Variants in MAP7D2 observed in about 807,000 individuals in gnomAD.
The protein encoded by MAP7D2 is MAP7 domain-containing protein 2.
MAP7D2 carries 33 observed loss-of-function variants against 63.5 expected under a neutral mutation model. The observed-to-expected ratio is 0.52, with a 90% confidence interval of 0.39 to 0.70. The LOEUF (loss-of-function observed/expected upper bound fraction) is 0.70, where lower values mean the gene tolerates loss of function less well. MAP7D2 is among the 30% of genes least tolerant of loss of function. The pLI is 0.00. For synonymous variants in MAP7D2, 224 were observed against 223.7 expected (o/e 1.00, Z -0.01); for missense variants, 626 against 604.0 (o/e 1.04, Z -0.38).
intron 8 of MAP7D2, among the ~76,000 whole-genome samples, chrX:20,030,705 G>A (rs2074019625): frequency 1.8e-5 from 2 of 111,829 alleles, no homozygotes; most frequent in African/African-American, 6.5e-5. Context: ...GGCTTCATCA[G>A]CACAGCTCAG....
At position 20,116,761 on chromosome X, in the gene MAP7D2, T is replaced by C; in HGVS notation, c.119A>G (p.Tyr40Cys). The change falls in exon 1 of 17, where the codon TAC becomes TGC. Residue 40 changes from tyrosine (Y) to cysteine (C), a missense_variant. Physicochemically the swap from Tyr to Cys is radical, Grantham distance 194 (BLOSUM62 -2). Transcript: ENST00000379643. Reference protein sequence around the residue: ...PGAVRTSQPNYRPQGMEGFLK... With the variant: ...PGAVRTSQPNCRPQGMEGFLK... Reference sequence around the variant, plus strand: ...TCTGGGGATAATACCTTGAGGCCGGTAGTTGGGCTGAGAGGTCCGCACCGC... The same window carrying C: ...TCTGGGGATAATACCTTGAGGCCGGCAGTTGGGCTGAGAGGTCCGCACCGC... The C allele has an allele frequency of 1.7e-6, 2 of 1,177,991 alleles. No homozygotes were observed. Among genetic ancestry groups the C allele is most frequent in the Non-Finnish European group, 2.3e-6 (2 of 879,821 alleles).
chrX:20,107,536 A>G (rs1301357673), intron 1 of MAP7D2, among the ~76,000 whole-genome samples: 1 of 110,760 alleles, frequency 9.0e-6, no homozygotes, highest in African/African-American at 3.3e-5. Flanking sequence ...ACGCCACCGC[A>G]CTCCAGCCTG....
chrX:20,096,449 G>GA (rs1356994526), intron 1 of MAP7D2, among the ~76,000 whole-genome samples: 1 of 90,271 alleles, frequency 1.1e-5, no homozygotes, highest in East Asian at 3.3e-4. Context: ...AAAAAAAAAA[G>GA]AAAAAAAAGA....
intron 3 of MAP7D2, among the ~76,000 whole-genome samples, chrX:20,059,633 A>AGGAAGGGT (rs1569096816): frequency 5.8e-4 from 57 of 98,785 alleles, no homozygotes; most frequent in African/African-American, 1.4e-3. Flanking sequence ...GAAGGGTGGA[A>AGGAAGGGT]GGAAGGAAGG....
intron 1 of MAP7D2, among the ~76,000 whole-genome samples, chrX:20,097,864 C>G (rs1263742536): frequency 9.0e-6 from 1 of 111,015 alleles, no homozygotes; most frequent in Non-Finnish European, 1.9e-5. Flanking sequence ...AGCTCTCAGC[C>G]AGAATGAACT....
At chrX:20,031,553 G>C (rs2074052547) in intron 8 of MAP7D2, among the ~76,000 whole-genome samples, 1 of 110,465 alleles carries the variant, frequency 9.1e-6, no homozygotes, top group Non-Finnish European at 1.9e-5. Flanking sequence ...GATCACTTGA[G>C]GTCAGGAGTT....
chrX:20,063,616 G>A (rs1283724363), intron 2 of MAP7D2, 39 bp from the exon 3 acceptor site: 1 of 1,184,021 alleles, frequency 8.4e-7, no homozygotes, highest in Non-Finnish European at 1.1e-6. Flanking sequence ...CATTACCAGA[G>A]CATCCCATGC....
intron 1 of MAP7D2, among the ~76,000 whole-genome samples, chrX:20,070,116 CTT>C (rs1463626757): frequency 1.8e-5 from 2 of 110,440 alleles, no homozygotes; most frequent in Non-Finnish European, 3.8e-5. Flanking sequence ...GCCTGGTTAA[CTT>C]TTGTATTTTT....
chrX:20,079,545 C>T (rs1307740792), intron 1 of MAP7D2, among the ~76,000 whole-genome samples: 1 of 111,859 alleles, frequency 8.9e-6, no homozygotes, highest in Non-Finnish European at 1.9e-5. Flanking sequence ...AGATAAAGCT[C>T]AGCCCCCTCG....
At chrX:20,018,594 C>T (rs963588962) in intron 10 of MAP7D2, among the ~76,000 whole-genome samples, 4 of 109,194 alleles carry the variant, frequency 3.7e-5, no homozygotes, top group African/African-American at 1.0e-4. Context: ...AGGCATGCGC[C>T]GCTATGCCCA....
At chrX:20,015,372 A>C in intron 11 of MAP7D2, 45 bp from the exon 12 acceptor site, 1 of 1,059,929 alleles carries the variant, frequency 9.4e-7, no homozygotes, top group Non-Finnish European at 1.3e-6. Context: ...ATAAGCTAAG[A>C]AAACAGTGTG....
Position 20,010,911 on chromosome X carries a change from T to C in MAP7D2, c.2214A>G (p.Thr738=). The change falls in exon 16 of 17, where the codon ACA becomes ACG. Residue 738 remains threonine (T), a synonymous_variant. Coordinates refer to ENST00000379643, the MANE Select transcript of MAP7D2 (RefSeq NM_001168465.2). The part of the protein sequence containing the change: ...QDLLDFTGPP[T]FPKRSSENLS... ...GATTTTCACTGGATCTCTTGGGGAA[T>C]GTCGGGGGACCAGTGAAATCTAAGA... 1 of 1,211,512 alleles carries C rather than the reference T, an allele frequency of 8.3e-7. No homozygotes were observed. Among genetic ancestry groups the C allele is most frequent in the Non-Finnish European group, 1.1e-6 (1 of 895,517 alleles).
chrX:20,097,348 C>G (rs2066299703), intron 1 of MAP7D2, among the ~76,000 whole-genome samples: 1 of 111,818 alleles, frequency 8.9e-6, no homozygotes, highest in Middle Eastern at 4.6e-3. Context: ...ATGACCTTCT[C>G]TTAAGCTCTG....
chrX:20,052,949 T>A lies in MAP7D2; in HGVS notation c.524A>T (p.Lys175Met), dbSNP rs754163712. The A allele has an allele frequency of 8.3e-7, 1 of 1,209,684 alleles. No homozygotes were observed. The highest frequency in any genetic ancestry group is 1.8e-5 in the South Asian group (1 of 56,830). ...TTTATTCATGGGAGGCTCCGTTGGC[T>A]TTGGCAAACTCATAGTTGATGTTGA... ...KLSTSTMSLP[K>M]PTEPPMNKRL... is the part of the protein sequence containing the mutation. The change falls in exon 5 of 17, where the codon AAG becomes ATG. Residue 175 changes from lysine (K) to methionine (M), a missense_variant. Transcript: ENST00000379643.
intron 8 of MAP7D2, among the ~76,000 whole-genome samples, chrX:20,026,323 T>C (rs2073842702): frequency 9.0e-6 from 1 of 111,546 alleles, no homozygotes; most frequent in African/African-American, 3.3e-5. Flanking sequence ...TGGCTCCTTT[T>C]AAAAAAATTG....
chrX:20,007,370 A>G lies in MAP7D2; in HGVS notation c.*1055T>C, dbSNP rs926572323. 7 of 112,446 alleles carry G rather than the reference A, an allele frequency of 6.2e-5. No homozygotes were observed. The highest frequency in any genetic ancestry group is 9.5e-5 in the Admixed American group (1 of 10,528). 9.3% of individuals were successfully genotyped at this position (112,446 alleles called of 1,213,427 possible). On this transcript the variant is annotated 3_prime_UTR_variant, in exon 17 of 17. Coordinates refer to ENST00000379643, the MANE Select transcript of MAP7D2 (RefSeq NM_001168465.2). ...CATTTCGCCACAAGAAACAAAATTA[A>G]GAAAACACACCATTATATGGCATAA...
chrX:20,056,697 C>A lies in MAP7D2; in HGVS notation c.467G>T (p.Gly156Val), dbSNP rs756736092. 45 of 1,208,663 alleles carry A rather than the reference C, an allele frequency of 3.7e-5. No homozygotes were observed. In the Middle Eastern group the frequency reaches 9.2e-4, roughly 25 times the overall value. Reference protein sequence around the residue: ...KYSWGAPLAIGPGGHDACDKL... With the variant: ...KYSWGAPLAIVPGGHDACDKL... Reference sequence around the variant, plus strand: ...ACACTCACCATCATGTCCTCCGGGTCCAATGGCCAGTGGTGCTCCCCACGA... The same window carrying A: ...ACACTCACCATCATGTCCTCCGGGTACAATGGCCAGTGGTGCTCCCCACGA... The change falls in exon 4 of 17, where the codon GGA becomes GTA. Residue 156 changes from glycine (G) to valine (V), a missense_variant. By Grantham distance (109) the Gly-to-Val change is moderately radical. Transcript: ENST00000379643.
At chrX:20,108,146 C>T (rs2066621541) in intron 1 of MAP7D2, among the ~76,000 whole-genome samples, 1 of 111,075 alleles carries the variant, frequency 9.0e-6, no homozygotes, top group African/African-American at 3.3e-5. Flanking sequence ...CCCTGATGGG[C>T]TGTGGGGAGG....
chrX:20,057,688 T>C (rs2065100398), intron 3 of MAP7D2, among the ~76,000 whole-genome samples: 1 of 111,926 alleles, frequency 8.9e-6, no homozygotes, highest in Admixed American at 9.5e-5. Flanking sequence ...GCAGTTATAA[T>C]GACACCCTTT....
Sources: gnomAD v4.1 joint callset for allele counts (sites outside exome capture counted in the v4.1 genomes callset) on GRCh38, gnomAD v4.1.1 for gene constraint, MANE v1.5 for transcripts, NCBI Gene and HGNC (gene_info 2026-07-23, HGNC 2026-07-21) for gene names.